HGF: variants seen among roughly 807,000 people sequenced by gnomAD.
The protein encoded by HGF is fibroblast-derived tumor cytotoxic factor.
A neutral mutation model predicts 111.6 loss-of-function variants in HGF; 39 were observed. The ratio of observed to expected loss-of-function variants is 0.35; its 90% CI spans 0.27 to 0.46. HGF has a LOEUF of 0.46. HGF is among the 20% of genes least tolerant of loss of function. The probability of loss-of-function intolerance (pLI) is 1.00; values close to 1 mark genes in which losing one functional copy is unlikely to be tolerated. For synonymous variants in HGF, 285 were observed against 294.8 expected (o/e 0.97, Z 0.34); for missense variants, 735 against 910.5 (o/e 0.81, Z 2.48).
chr7:81,761,716 A>G (rs1789090798), intron 2 of HGF, among the ~76,000 whole-genome samples: 1 of 149,960 alleles, frequency 6.7e-6, no homozygotes, highest in African/African-American at 2.5e-5. Context: ...ATCTTCTGGG[A>G]TCACTGGCAA....
intron 14 of HGF, among the ~76,000 whole-genome samples, 193 bp downstream of exon 14, chr7:81,707,097 A>G (rs1329727363): frequency 3.3e-5 from 5 of 152,132 alleles, no homozygotes. Flanking sequence ...AAAAGAGGTG[A>G]ACTGAAGTAG....
intron 1 of HGF, chr7:81,763,076 T>G (rs965725823): frequency 2.0e-5 from 11 of 559,344 alleles, no homozygotes; most frequent in Non-Finnish European, 3.2e-5. Context: ...ACAAATAACT[T>G]GTCATGTAGA....
chr7:81,768,130 T>A (rs541273761), intron 1 of HGF, among the ~76,000 whole-genome samples: 1 of 152,290 alleles, frequency 6.6e-6, no homozygotes, highest in South Asian at 2.1e-4. Flanking sequence ...GAAATATAAT[T>A]ACAAATGTAT....
intron 11 of HGF, among the ~76,000 whole-genome samples, chr7:81,712,711 C>A (rs2115813424): frequency 6.6e-6 from 1 of 152,262 alleles, no homozygotes; most frequent in African/African-American, 2.4e-5. Context: ...TGTTTAGACC[C>A]AGATGGTTGT....
chr7:81,714,408 A>G (rs1325924757), intron 11 of HGF, among the ~76,000 whole-genome samples: 1 of 152,170 alleles, frequency 6.6e-6, no homozygotes, highest in Non-Finnish European at 1.5e-5. Context: ...TGCAACAGAC[A>G]CTGTTCACAA....
In HGF at chr7:81,742,967, G is replaced by C. The variant is rs750938210; in HGVS notation, c.865+386C>G. ...TTATGTCTCTGGGGAGGAAAGGTAGGTAAAGGATACAGGATTGGAAGGTAA... is the reference window on the plus strand; with the variant it reads ...TTATGTCTCTGGGGAGGAAAGGTAGCTAAAGGATACAGGATTGGAAGGTAA... On this transcript the variant is annotated intron_variant, in intron 7 of 17. Coordinates refer to ENST00000222390, the MANE Select transcript of HGF (RefSeq NM_000601.6). The C allele has an allele frequency of 2.5e-6, 4 of 1,611,472 alleles. No individual in the cohort carries two copies. The East Asian group carries it at 8.9e-5, about 36-fold the overall frequency.
chr7:81,756,998 C>T, intron 4 of HGF, 191 bp downstream of exon 4: 3 of 601,388 alleles, frequency 5.0e-6, no homozygotes, highest in Non-Finnish European at 8.9e-6. Context: ...GTTTTGGCTA[C>T]ATTTTATTAA....
intron 17 of HGF, among the ~76,000 whole-genome samples, chr7:81,704,464 C>A (rs1207094347): frequency 3.3e-5 from 5 of 151,652 alleles, no homozygotes; most frequent in Non-Finnish European, 7.4e-5. Flanking sequence ...TCATGATTTA[C>A]TAGAAAGGCA....
chr7:81,755,499 G>A (rs960152847), intron 4 of HGF: 3 of 152,306 alleles, frequency 2.0e-5, no homozygotes, highest in African/African-American at 7.2e-5. Flanking sequence ...GGACTAGGAA[G>A]CCAGTTCCCA....
intron 10 of HGF, 40 bp from the exon 11 acceptor site, chr7:81,717,405 TTCCA>T: frequency 6.3e-7 from 1 of 1,590,462 alleles, no homozygotes; most frequent in South Asian, 1.1e-5. Context: ...AAGATGCTCA[TTCCA>T]TCCAAGAGAC....
chr7:81,752,718 T>C (rs1788562766), intron 4 of HGF, among the ~76,000 whole-genome samples: 1 of 152,070 alleles, frequency 6.6e-6, no homozygotes, highest in Non-Finnish European at 1.5e-5. Flanking sequence ...CCCCCTTTTT[T>C]CTGCACAATT....
chr7:81,704,094 C>T (rs1789359233), intron 17 of HGF, among the ~76,000 whole-genome samples: 2 of 151,696 alleles, frequency 1.3e-5, no homozygotes, highest in South Asian at 4.1e-4. Flanking sequence ...ATGTCAGTGA[C>T]ATATATATTT....
chr7:81,754,606 T>C (rs548208603), intron 4 of HGF, among the ~76,000 whole-genome samples: 1 of 152,178 alleles, frequency 6.6e-6, no homozygotes, highest in Non-Finnish European at 1.5e-5. Flanking sequence ...TGGGCTCCTT[T>C]CCACAATTCT....
chr7:81,705,250 G>A (rs1312320526), intron 17 of HGF, 140 bp downstream of exon 17: 1 of 762,312 alleles, frequency 1.3e-6, no homozygotes, highest in East Asian at 2.6e-5. Flanking sequence ...GAATATTACA[G>A]AGTTAATTTT....
At chr7:81,744,139 A>G in intron 6 of HGF, among the ~76,000 whole-genome samples, 1 of 152,208 alleles carries the variant, frequency 6.6e-6, no homozygotes. Flanking sequence ...GAGAAAAAGA[A>G]CAAAGAAAAA....
At position 81,702,757 on chromosome 7, in the gene HGF, C is replaced by A. The variant is rs2115743102; in HGVS notation, c.2011G>T (p.Gly671Trp). 6.2e-7 allele frequency: 1 copy of A among 1,609,836 alleles called. No individual in the cohort carries two copies. The highest frequency in any genetic ancestry group is 2.2e-5 in the East Asian group (1 of 44,732). Residue 671 changes from glycine (G) to tryptophan (W), a missense_variant and splice_region_variant, in exon 18 of 18, where the codon GGG (glycine) becomes TGG (tryptophan). Around this residue, in one of 3 missense-constraint regions of HGF, gnomAD observed 52 missense variants for 95.0 expected, o/e 0.55. Transcript: ENST00000222390. ...CAAACAAGTGGGCCACCATAATCCCCCTAGGAGTAAGACATACAAAAACAA... is the reference window on the plus strand; with the variant it reads ...CAAACAAGTGGGCCACCATAATCCCACTAGGAGTAAGACATACAAAAACAA... ...AEKIGSGPCE[G>W]DYGGPLVCEQ...
intron 9 of HGF, among the ~76,000 whole-genome samples, chr7:81,722,911 A>G (rs568542616): frequency 1.3e-5 from 2 of 151,128 alleles, no homozygotes; most frequent in Non-Finnish European, 2.9e-5. Context: ...AAAATATTCT[A>G]TACTTTTAAA....
chr7:81,742,885 T>A, intron 7 of HGF: 1 of 1,611,104 alleles, frequency 6.2e-7, no homozygotes, highest in Non-Finnish European at 8.5e-7. Flanking sequence ...CTCATTATTC[T>A]TCACTGCAGC....
intron 7 of HGF, among the ~76,000 whole-genome samples, chr7:81,739,725 A>C (rs1319911687): frequency 1.3e-5 from 2 of 152,076 alleles, no homozygotes; most frequent in Admixed American, 1.3e-4. Context: ...AAGAGGTGGA[A>C]CTTGAGCCCC....
Sources: allele counts gnomAD v4.1 joint callset (sites outside exome capture counted in the v4.1 genomes callset), GRCh38; gene constraint gnomAD v4.1.1; regional missense constraint gnomAD v4.1.1; transcripts MANE v1.5; gene names NCBI Gene and HGNC (gene_info 2026-07-23, HGNC 2026-07-21).